The following GNB4 variants were observed in gnomAD, a reference collection of about 807,000 sequenced individuals.
GNB4 encodes the protein guanine nucleotide-binding protein subunit beta-4.
In GNB4, 28 loss-of-function variants were observed where a neutral mutation model predicts 45.2. The observed-to-expected ratio is 0.62, with a 90% CI of 0.46 to 0.85. The LOEUF is 0.85. GNB4 is among the 40% of genes least tolerant of loss of function. The pLI, the probability that GNB4 is intolerant of heterozygous loss-of-function variation, is 0.00. For synonymous variants in GNB4, 132 were observed against 143.7 expected (o/e 0.92, Z 0.58); for missense variants, 321 against 425.4 (o/e 0.75, Z 2.16).
chr3:179,413,191 TAAC>T (rs986178092), intron 8 of GNB4, among the ~76,000 whole-genome samples: 5 of 146,758 alleles, frequency 3.4e-5, no homozygotes, highest in African/African-American at 1.1e-4. Context: ...AACAAAAAAA[TAAC>T]AACAAAAAAA....
At chr3:179,407,275 A>G (rs1046458907) in intron 8 of GNB4, among the ~76,000 whole-genome samples, 2 of 152,124 alleles carry the variant, frequency 1.3e-5, no homozygotes, top group Non-Finnish European at 2.9e-5. Context: ...CCTGCCCAAC[A>G]TAGTGAAACC....
intron 1 of GNB4, among the ~76,000 whole-genome samples, chr3:179,437,224 C>T (rs1409960584): frequency 6.6e-6 from 1 of 152,094 alleles, no homozygotes; most frequent in East Asian, 1.9e-4. Context: ...CAGAGCAGCA[C>T]CCACAGAGTC....
chr3:179,488,050 C>CA, the GNB4 span, among the ~76,000 whole-genome samples: 48,783 of 142,522 alleles, frequency 0.34, 8,672 homozygotes, highest in East Asian at 0.57. Context: ...GACTCTGTCT[C>CA]AAAAAAAAAA....
intron 1 of GNB4, among the ~76,000 whole-genome samples, chr3:179,430,446 C>G (rs746565949): frequency 6.6e-6 from 1 of 151,702 alleles, no homozygotes; most frequent in Non-Finnish European, 1.5e-5. Flanking sequence ...CCAATTCCTC[C>G]ACTGGTGATT....
intron 4 of GNB4, among the ~76,000 whole-genome samples, chr3:179,418,853 A>G (rs1407469963): frequency 2.0e-5 from 3 of 152,246 alleles, no homozygotes; most frequent in Non-Finnish European, 2.9e-5. Context: ...TGAGCAATCT[A>G]TCTAACTGTA....
intron 4 of GNB4, among the ~76,000 whole-genome samples, chr3:179,417,942 AAG>A (rs1438350129): frequency 6.6e-6 from 1 of 152,152 alleles, no homozygotes; most frequent in Non-Finnish European, 1.5e-5. Flanking sequence ...TCATCAGCAT[AAG>A]AGTTGAGGAG....
At chr3:179,447,821 T>G (rs191254940) in intron 1 of GNB4, among the ~76,000 whole-genome samples, 49 of 152,028 alleles carry the variant, frequency 3.2e-4, no homozygotes, top group African/African-American at 1.1e-3. Flanking sequence ...TTAGAATGAG[T>G]GAAATGGGGA....
intron 1 of GNB4, among the ~76,000 whole-genome samples, chr3:179,440,863 C>CTA: frequency 1.5e-5 from 2 of 133,476 alleles, no homozygotes; most frequent in East Asian, 2.1e-4. Flanking sequence ...TTAAAAATTC[C>CTA]TATATATATA....
intron 2 of GNB4, among the ~76,000 whole-genome samples, chr3:179,425,227 C>T (rs1020284637): frequency 6.6e-6 from 1 of 152,164 alleles, no homozygotes; most frequent in African/African-American, 2.4e-5. Flanking sequence ...CCCATTGTTC[C>T]AAAGAAGGGA....
intron 1 of GNB4, among the ~76,000 whole-genome samples, chr3:179,440,791 C>T (rs1381732193): frequency 6.6e-6 from 1 of 151,752 alleles, no homozygotes; most frequent in Non-Finnish European, 1.5e-5. Flanking sequence ...GAATTAAAAC[C>T]TAATGCAGAG....
At position 179,413,750 on chromosome 3, in the gene GNB4, G is replaced by A; in HGVS notation, c.462C>T (p.Asp154=). ...CTCCTGAACTTGTAACAATTTGGCT[G>A]TCATCTAAAAAACGACAGCAGGACA... ...GYLSCCRFLD[D]SQIVTSSGDT... is the part of the protein sequence containing the mutation. Residue 154 remains aspartate (D), a synonymous_variant, in exon 7 of 10, where the codon GAC becomes GAT. Transcript: ENST00000232564. 6.2e-7 allele frequency: 1 copy of A among 1,613,950 alleles called. No individual in the cohort carries two copies. The highest frequency in any genetic ancestry group is 1.1e-5 in the South Asian group (1 of 91,070).
intron 1 of GNB4, among the ~76,000 whole-genome samples, chr3:179,435,448 C>A (rs1447825515): frequency 2.9e-5 from 4 of 135,836 alleles, no homozygotes; most frequent in African/African-American, 8.3e-5. Context: ...ATATGAGATA[C>A]ACACACCATT....
the GNB4 span, among the ~76,000 whole-genome samples, chr3:179,461,875 A>C: frequency 1.3e-5 from 2 of 152,206 alleles, no homozygotes; most frequent in Non-Finnish European, 2.9e-5. Flanking sequence ...TGTATCCTTC[A>C]TGGCACCAAA....
At chr3:179,491,668 T>A in the GNB4 span, among the ~76,000 whole-genome samples, 1 of 152,174 alleles carries the variant, frequency 6.6e-6, no homozygotes, top group African/African-American at 2.4e-5. Context: ...TGGTCCAAAA[T>A]GGAGTTGTAG....
intron 1 of GNB4, among the ~76,000 whole-genome samples, chr3:179,436,179 G>A (rs958687953): frequency 2.0e-5 from 3 of 152,086 alleles, no homozygotes; most frequent in Non-Finnish European, 4.4e-5. Context: ...CAGGTAGATC[G>A]CCTGAGGCAG....
At chr3:179,461,372 T>C in the GNB4 span, among the ~76,000 whole-genome samples, 2 of 152,072 alleles carry the variant, frequency 1.3e-5, no homozygotes, top group Non-Finnish European at 2.9e-5. Context: ...TAGCGGGCAC[T>C]TGTAGTCCCA....
chr3:179,420,471 T>A (rs1051047390), intron 3 of GNB4, among the ~76,000 whole-genome samples: 2 of 73,110 alleles, frequency 2.7e-5, no homozygotes, highest in African/African-American at 9.3e-5. Context: ...TATATATATA[T>A]TTTTTTTTGA....
the GNB4 span, among the ~76,000 whole-genome samples, chr3:179,507,390 A>T: frequency 7.1e-6 from 1 of 141,400 alleles, no homozygotes; most frequent in African/African-American, 2.6e-5. Context: ...ACAGGAAGGT[A>T]GGAAGGAAGG....
chr3:179,518,434 C>T, the GNB4 span, among the ~76,000 whole-genome samples: 1 of 151,614 alleles, frequency 6.6e-6, no homozygotes, highest in Admixed American at 6.6e-5. Context: ...CCCTCAGCCC[C>T]AACCACAAGT....
Sources: allele counts gnomAD v4.1 joint callset (sites outside exome capture counted in the v4.1 genomes callset), GRCh38; gene constraint gnomAD v4.1.1; transcripts MANE v1.5; gene names NCBI Gene and HGNC (gene_info 2026-07-23, HGNC 2026-07-21).